RFX3: variants seen among roughly 807,000 people sequenced by gnomAD.
The protein encoded by RFX3 is regulatory factor X3, also known as transcription factor RFX3.
Under a neutral mutation model 98.6 loss-of-function variants are expected in RFX3, and 14 were observed. That is an observed-to-expected ratio of 0.14 (90% CI 0.09 to 0.22). The LOEUF is 0.22. Among genes scored for constraint, RFX3 ranks in the 10% least tolerant of loss-of-function variants. RFX3 has a pLI of 1.00. For synonymous variants in RFX3, 383 were observed against 328.4 expected, an observed-to-expected ratio of 1.17 and a Z score of -1.80; for missense variants, 639 against 926.9, an observed-to-expected ratio of 0.69 and a Z score of 4.03.
intron 1 of RFX3, among the ~76,000 whole-genome samples, chr9:3,502,876 G>A (rs1215381335): frequency 1.3e-5 from 2 of 152,088 alleles, no homozygotes; most frequent in Non-Finnish European, 2.9e-5. Context: ...GCTGGAACCA[G>A]ATTAACCATA....
intron 1 of RFX3, among the ~76,000 whole-genome samples, chr9:3,454,652 C>T (rs1331468677): frequency 6.6e-6 from 1 of 152,176 alleles, no homozygotes. Flanking sequence ...ATCATCTATT[C>T]CAACTAGTTA....
At chr9:3,460,995 C>T (rs919813804) in intron 1 of RFX3, among the ~76,000 whole-genome samples, 1 of 151,566 alleles carries the variant, frequency 6.6e-6, no homozygotes, top group African/African-American at 2.4e-5. Flanking sequence ...CAGGTTATCA[C>T]AATTTATAAA....
intron 1 of RFX3, among the ~76,000 whole-genome samples, chr9:3,496,142 G>T (rs901311576): frequency 6.6e-6 from 1 of 151,892 alleles, no homozygotes; most frequent in Admixed American, 6.6e-5. Flanking sequence ...TGCTCATACA[G>T]ATTTTTACAC....
Position 3,221,063 on chromosome 9 carries a change from G to A in RFX3, c.*3979C>T, listed in dbSNP as rs1381831090. ...TCACCAAGAATGTGTGTGTCTGGGG[G>A]ATATAATAAAGGTCAATTTATTGTA... On this transcript the variant is annotated 3_prime_UTR_variant, in exon 17 of 17. Transcript: ENST00000617270. The A allele has an allele frequency of 6.6e-6, 1 of 152,086 alleles. No individual in the cohort carries two copies. The highest frequency in any genetic ancestry group is 6.6e-5 in the Admixed American group (1 of 15,256). 9.4% of individuals were successfully genotyped at this position (152,086 alleles called of 1,614,324 possible).
intron 2 of RFX3, among the ~76,000 whole-genome samples, chr9:3,389,938 T>C (rs908306081): frequency 6.6e-6 from 1 of 152,174 alleles, no homozygotes; most frequent in African/African-American, 2.4e-5. Flanking sequence ...CCCTGAACCA[T>C]ATTGTCTAAG....
At chr9:3,228,975 T>C (rs1423541058) in intron 15 of RFX3, 86 bp from the exon 16 acceptor site, 2 of 1,174,710 alleles carry the variant, frequency 1.7e-6, no homozygotes, top group Non-Finnish European at 2.4e-6. Context: ...AATGCCAATC[T>C]ATGACTCTTT....
chr9:3,315,366 T>G (rs1022777341), intron 4 of RFX3, among the ~76,000 whole-genome samples: 7 of 152,110 alleles, frequency 4.6e-5, no homozygotes, highest in African/African-American at 1.4e-4. Context: ...TAGGACACAT[T>G]TAAAGCAGTG....
intron 2 of RFX3, among the ~76,000 whole-genome samples, chr9:3,351,993 A>G (rs1835194175): frequency 6.6e-6 from 1 of 152,002 alleles, no homozygotes; most frequent in South Asian, 2.1e-4. Flanking sequence ...TACGTAATTT[A>G]TAAGAAAAAG....
chr9:3,397,466 A>C (rs1841011202), intron 1 of RFX3, among the ~76,000 whole-genome samples: 1 of 152,220 alleles, frequency 6.6e-6, no homozygotes, highest in African/African-American at 2.4e-5. Flanking sequence ...CTGTTGTCAC[A>C]GCATGACTTC....
At chr9:3,261,027 T>A (rs1413092280) in intron 13 of RFX3, among the ~76,000 whole-genome samples, 1 of 151,846 alleles carries the variant, frequency 6.6e-6, no homozygotes. Context: ...TTTTGGTATA[T>A]TTTAAATGAC....
intron 1 of RFX3, among the ~76,000 whole-genome samples, chr9:3,433,103 G>A (rs1296810608): frequency 6.6e-6 from 1 of 152,058 alleles, no homozygotes; most frequent in Non-Finnish European, 1.5e-5. Flanking sequence ...CCATACATGT[G>A]GGTTGTGTAT....
chr9:3,245,496 GC>G (rs1331076419), intron 15 of RFX3, among the ~76,000 whole-genome samples: 3 of 152,290 alleles, frequency 2.0e-5, no homozygotes, highest in Non-Finnish European at 4.4e-5. Flanking sequence ...GACACAGTCA[GC>G]TTTGCATTTT....
At chr9:3,289,771 C>A (rs377491234) in intron 6 of RFX3, among the ~76,000 whole-genome samples, 27 of 152,074 alleles carry the variant, frequency 1.8e-4, no homozygotes, top group African/African-American at 6.0e-4. Context: ...GAGATGGGAT[C>A]TAATAAAAGG....
At chr9:3,416,963 GACAA>G (rs563127998) in intron 1 of RFX3, among the ~76,000 whole-genome samples, 344 of 151,684 alleles carry the variant, frequency 2.3e-3, no homozygotes, top group African/African-American at 8.1e-3. Flanking sequence ...AAAAAACAAA[GACAA>G]ACAAAATGCT....
chr9:3,469,845 CAAA>C (rs762924935), intron 1 of RFX3, among the ~76,000 whole-genome samples: 1 of 92,200 alleles, frequency 1.1e-5, no homozygotes. Flanking sequence ...GACTCCGTCT[CAAA>C]AAAAAAAAAA....
At chr9:3,274,085 G>A (rs1459926865) in intron 9 of RFX3, among the ~76,000 whole-genome samples, 1 of 152,130 alleles carries the variant, frequency 6.6e-6, no homozygotes, top group African/African-American at 2.4e-5. Context: ...AATATTAAGT[G>A]CTTTCATCAT....
intron 1 of RFX3, chr9:3,524,700 A>G (rs1363980226): frequency 1.2e-6 from 1 of 812,778 alleles, no homozygotes; most frequent in Non-Finnish European, 1.5e-6. Context: ...TACTGCGGGG[A>G]AGGAGGATCA....
At chr9:3,517,046 T>C (rs1311901083) in intron 1 of RFX3, among the ~76,000 whole-genome samples, 1 of 152,256 alleles carries the variant, frequency 6.6e-6, no homozygotes, top group Non-Finnish European at 1.5e-5. Context: ...TTCTTTCTTG[T>C]TCTTACCAGA....
At chr9:3,325,071 C>T (rs1831760443) in intron 4 of RFX3, among the ~76,000 whole-genome samples, 1 of 152,132 alleles carries the variant, frequency 6.6e-6, no homozygotes, top group Non-Finnish European at 1.5e-5. Flanking sequence ...CATGTACTTT[C>T]TTATATCTTT....
Sources: gnomAD v4.1 joint callset for allele counts (sites outside exome capture counted in the v4.1 genomes callset) on GRCh38, gnomAD v4.1.1 for gene constraint, MANE v1.5 for transcripts, NCBI Gene and HGNC (gene_info 2026-07-23, HGNC 2026-07-21) for gene names.